ZNF536: variants seen among roughly 807,000 people sequenced by gnomAD.
The protein encoded by ZNF536 is zinc finger protein 536.
In ZNF536, 13 loss-of-function variants were observed where a neutral mutation model predicts 84.5. That is an observed-to-expected ratio of 0.15 (90% CI 0.10 to 0.24). The LOEUF is 0.24. ZNF536 is among the 10% of genes least tolerant of loss of function. The probability of loss-of-function intolerance (pLI) is 1.00; values close to 1 mark genes in which losing one functional copy is unlikely to be tolerated. For synonymous variants in ZNF536, 811 were observed against 742.5 expected (o/e 1.09, Z -1.50); for missense variants, 1,536 against 1,747.5 (o/e 0.88, Z 2.16).
At chr19:30,550,915 C>T (rs902634661) in intron 4 of ZNF536, among the ~76,000 whole-genome samples, 1 of 152,102 alleles carries the variant, frequency 6.6e-6, no homozygotes, top group Non-Finnish European at 1.5e-5. Context: ...TTAACCACTA[C>T]CCCCAGATCT....
At chr19:30,454,648 C>T (rs2052754217) in intron 2 of ZNF536, among the ~76,000 whole-genome samples, 1 of 152,078 alleles carries the variant, frequency 6.6e-6, no homozygotes, top group African/African-American at 2.4e-5. Context: ...CATCATAATC[C>T]CTGTTGAGAG....
chr19:30,561,408 G>A (rs1012994303), downstream of ZNF536, among the ~76,000 whole-genome samples: 8 of 152,148 alleles, frequency 5.3e-5, no homozygotes, highest in African/African-American at 1.9e-4. Flanking sequence ...GCTCTTTCTT[G>A]TCAAGTAGAG....
chr19:30,615,912 CTCTG>C (rs1019504397), intron 1 of ZNF536, among the ~76,000 whole-genome samples: 18 of 152,146 alleles, frequency 1.2e-4, no homozygotes, highest in African/African-American at 4.1e-4. Context: ...CTCTCTATCT[CTCTG>C]TCTGTCTCTC....
At chr19:30,344,341 G>C (rs868321937) in intron 2 of ZNF536, among the ~76,000 whole-genome samples, 19 of 72,836 alleles carry the variant, frequency 2.6e-4, no homozygotes, top group South Asian at 2.2e-3. Flanking sequence ...TCGGGAGGCT[G>C]AGACAGGAAA....
At chr19:30,461,679 C>G (rs1283500397) in intron 2 of ZNF536, among the ~76,000 whole-genome samples, 1 of 152,242 alleles carries the variant, frequency 6.6e-6, no homozygotes, top group Non-Finnish European at 1.5e-5. Flanking sequence ...GACAGGCCAG[C>G]ACAGCCTGAC....
At chr19:30,601,255 C>G (rs550736525) in intron 1 of ZNF536, among the ~76,000 whole-genome samples, 2 of 152,272 alleles carry the variant, frequency 1.3e-5, no homozygotes, top group South Asian at 4.1e-4. Flanking sequence ...CAGATTTTTC[C>G]CCACATTTCT....
intron 1 of ZNF536, among the ~76,000 whole-genome samples, chr19:30,572,965 C>A (rs916871956): frequency 2.0e-5 from 3 of 152,100 alleles, no homozygotes; most frequent in African/African-American, 7.2e-5. Context: ...GTGAGTTAAG[C>A]CACCTTGGAG....
chr19:30,393,500 G>C (rs7247350), intron 1 of ZNF536, among the ~76,000 whole-genome samples: 2 of 152,052 alleles, frequency 1.3e-5, no homozygotes, highest in Non-Finnish European at 2.9e-5. Context: ...ATGTTCGTCA[G>C]AGAATCACAT....
chr19:30,283,763 G>A (rs922572411), intron 1 of ZNF536, among the ~76,000 whole-genome samples: 2 of 150,120 alleles, frequency 1.3e-5, no homozygotes, highest in African/African-American at 4.9e-5. Context: ...GAGAGAGAGA[G>A]CCCTTATAAT....
intron 1 of ZNF536, among the ~76,000 whole-genome samples, chr19:30,439,959 CTTTTTTTT>C (rs199638233): frequency 3.7e-4 from 36 of 96,392 alleles, no homozygotes; most frequent in African/African-American, 1.4e-3. Context: ...TTCTTTCTTT[CTTTTTTTT>C]TTTTTTTTTT....
intron 1 of ZNF536, among the ~76,000 whole-genome samples, chr19:30,383,975 C>G (rs1459267571): frequency 1.1e-5 from 1 of 90,434 alleles, no homozygotes; most frequent in Non-Finnish European, 2.2e-5. Flanking sequence ...CTTCCTTCTT[C>G]CACTCTGCCA....
intron 2 of ZNF536, among the ~76,000 whole-genome samples, chr19:30,488,427 G>A (rs187430955): frequency 3.7e-4 from 57 of 152,110 alleles, no homozygotes; most frequent in Non-Finnish European, 2.9e-4. Flanking sequence ...ACTCATTCCC[G>A]GAATCTGGAG....
chr19:30,554,560 C>G (rs950690281), intron 4 of ZNF536: 4 of 152,136 alleles, frequency 2.6e-5, no homozygotes, highest in African/African-American at 9.7e-5. Context: ...TGGCCAATAC[C>G]TACCCTTTTA....
chr19:30,290,445 ATT>A (rs904045072), intron 2 of ZNF536, among the ~76,000 whole-genome samples: 1 of 151,950 alleles, frequency 6.6e-6, no homozygotes. Context: ...TAATTTAAAA[ATT>A]TTTTTGTAGA....
At chr19:30,586,710 C>A (rs991851949) in intron 1 of ZNF536, among the ~76,000 whole-genome samples, 2 of 152,130 alleles carry the variant, frequency 1.3e-5, no homozygotes, top group Non-Finnish European at 2.9e-5. Context: ...TTTTTGCCCA[C>A]CTGTAAAATA....
intron 1 of ZNF536, among the ~76,000 whole-genome samples, chr19:30,394,417 C>T (rs2049726499): frequency 6.6e-6 from 1 of 152,060 alleles, no homozygotes; most frequent in South Asian, 2.1e-4. Flanking sequence ...TGCTCATTTC[C>T]CTAAACAGCC....
At position 30,676,992 on chromosome 19, in the gene ZNF536, C is replaced by T. The variant is rs146893744; in HGVS notation, c.170-33765C>T. ...AAGTGCTGGGATAATAGTTGTGAGC[C>T]GACACACCCAGTCAAATATTGAGTT... On this transcript the variant is annotated intron_variant, in intron 1 of 1. Coordinates refer to the ZNF536 transcript ENST00000592773. Among the ~76,000 whole-genome samples the T allele has an allele frequency of 7.6e-3, 1,163 of 152,250 alleles. 7 individuals are homozygous for T. The highest frequency in any genetic ancestry group is 0.015 in the South Asian group (72 of 4,806).
Position 30,443,783 on chromosome 19 carries a change from G to T in ZNF536, c.221G>T (p.Gly74Val). ...LEEKAHVPMSGQPMGSQMALL... is the reference protein window; with the variant it reads ...LEEKAHVPMSVQPMGSQMALL... ...GAGAAGGCCCACGTGCCCATGAGCG[G>T]CCAGCCCATGGGCAGTCAGATGGCG... is the stretch of plus-strand genomic sequence containing the variant. Residue 74 changes from glycine (G) to valine (V), a missense_variant, in exon 2 of 5, where the codon GGC becomes GTC. Transcript: ENST00000355537. The T allele has an allele frequency of 4.3e-6, 7 of 1,612,802 alleles. No homozygotes were observed. The highest frequency in any genetic ancestry group is 5.9e-6 in the Non-Finnish European group (7 of 1,179,470).
In ZNF536 at chr19:30,664,246, CTCTCTCTCTCTCTCT is replaced by C. The variant is rs2050235504; in HGVS notation, c.170-46510_170-46496del. Among the ~76,000 whole-genome samples the C allele has an allele frequency of 4.0e-5, 6 of 150,044 alleles. No homozygotes were observed. The South Asian group carries it at 1.1e-3, about 27-fold the overall frequency. On this transcript the variant is annotated intron_variant, in intron 1 of 1. Transcript: ENST00000592773. ...TCTCTCTCTCTCTCTCTCTCTCTCTCTCTCTCTCTCTCTCTCCCTCTCCCTCTCTCCCTCTCTCAG... is the reference window on the plus strand; with the variant it reads ...TCTCTCTCTCTCTCTCTCTCTCTCTCCCCTCTCCCTCTCTCCCTCTCTCAG...
Sources: allele counts gnomAD v4.1 joint callset (sites outside exome capture counted in the v4.1 genomes callset), GRCh38; gene constraint gnomAD v4.1.1; transcripts MANE v1.5; gene names NCBI Gene and HGNC (gene_info 2026-07-23, HGNC 2026-07-21).